Variants in LRRC4C observed in about 807,000 individuals in gnomAD.
LRRC4C encodes the protein leucine-rich repeat-containing protein 4C.
LRRC4C carries 5 observed loss-of-function variants against 33.6 expected under a neutral mutation model. The ratio of observed to expected loss-of-function variants is 0.15; its 90% CI spans 0.08 to 0.31. LRRC4C has a LOEUF of 0.31. Among genes scored for constraint, LRRC4C ranks in the 10% least tolerant of loss-of-function variants. The pLI is 1.00. For missense variants in LRRC4C, 560 were observed against 796.7 expected (o/e 0.70, Z 3.58); for synonymous variants, 329 against 302.0 (o/e 1.09, Z -0.93).
chr11:41,200,364 A>T (rs978734344), intron 1 of LRRC4C, among the ~76,000 whole-genome samples: 2 of 152,182 alleles, frequency 1.3e-5, no homozygotes, highest in Admixed American at 6.6e-5. Flanking sequence ...AAGGCTTTCT[A>T]CAGGTGTTCA....
intron 1 of LRRC4C, among the ~76,000 whole-genome samples, chr11:41,439,628 T>G (rs988581304): frequency 1.3e-5 from 2 of 152,220 alleles, no homozygotes; most frequent in Non-Finnish European, 2.9e-5. Flanking sequence ...CAATAACTAA[T>G]TTGCATTGAT....
chr11:41,015,503 A>G (rs1423556177), intron 1 of LRRC4C, among the ~76,000 whole-genome samples: 1 of 151,968 alleles, frequency 6.6e-6, no homozygotes, highest in East Asian at 1.9e-4. Context: ...TAGGAGACAC[A>G]GGGTTTCACC....
intron 4 of LRRC4C, among the ~76,000 whole-genome samples, chr11:40,292,016 C>T (rs1944231824): frequency 6.6e-6 from 1 of 151,210 alleles, no homozygotes; most frequent in Non-Finnish European, 1.5e-5. Flanking sequence ...ACTGGCTTAT[C>T]AGAGAGCAGA....
At chr11:41,138,250 A>G (rs2135888530) in intron 1 of LRRC4C, among the ~76,000 whole-genome samples, 1 of 152,368 alleles carries the variant, frequency 6.6e-6, no homozygotes, top group Middle Eastern at 3.4e-3. Context: ...TGACCAGTCA[A>G]GTTTCAGTGT....
intron 2 of LRRC4C, among the ~76,000 whole-genome samples, chr11:40,884,925 A>C (rs763452226): frequency 6.6e-6 from 1 of 152,062 alleles, no homozygotes; most frequent in Non-Finnish European, 1.5e-5. Flanking sequence ...GTGGGAGCTA[A>C]ACAATGTGTA....
intron 1 of LRRC4C, among the ~76,000 whole-genome samples, chr11:41,041,460 C>T (rs906019640): frequency 1.3e-5 from 2 of 152,046 alleles, no homozygotes; most frequent in Non-Finnish European, 1.5e-5. Flanking sequence ...AGTACTGTTC[C>T]GGTCTTAAAG....
chr11:40,459,025 C>T (rs1565409572), intron 3 of LRRC4C, among the ~76,000 whole-genome samples: 1 of 152,126 alleles, frequency 6.6e-6, no homozygotes, highest in Non-Finnish European at 1.5e-5. Context: ...ATAAAATGCA[C>T]ACACATACAT....
At chr11:40,284,488 CAT>C (rs1053507786) in intron 4 of LRRC4C, among the ~76,000 whole-genome samples, 6 of 151,944 alleles carry the variant, frequency 3.9e-5, no homozygotes, top group African/African-American at 1.5e-4. Context: ...ATTCTAAAAA[CAT>C]ATTTCAAGAA....
chr11:40,129,137 A>C (rs1856471432), intron 6 of LRRC4C, among the ~76,000 whole-genome samples: 1 of 152,134 alleles, frequency 6.6e-6, no homozygotes, highest in Non-Finnish European at 1.5e-5. Flanking sequence ...AGCAGGTTGA[A>C]AACTCATTAA....
intron 3 of LRRC4C, among the ~76,000 whole-genome samples, chr11:40,387,119 T>G (rs1279093325): frequency 3.3e-5 from 5 of 152,274 alleles, no homozygotes; most frequent in East Asian, 3.9e-4. Flanking sequence ...GTTGGAGAAA[T>G]TATATAGAAT....
intron 1 of LRRC4C, among the ~76,000 whole-genome samples, chr11:41,389,770 T>A (rs1430510631): frequency 1.3e-5 from 2 of 151,214 alleles, no homozygotes; most frequent in African/African-American, 2.4e-5. Flanking sequence ...GGCAAACACA[T>A]AACCAAGGCT....
chr11:41,249,289 C>T (rs1207188141), intron 1 of LRRC4C, among the ~76,000 whole-genome samples: 2 of 152,128 alleles, frequency 1.3e-5, no homozygotes, highest in Admixed American at 6.5e-5. Flanking sequence ...CCTCCTCGGC[C>T]TCCCAAAGTG....
intron 2 of LRRC4C, among the ~76,000 whole-genome samples, chr11:40,774,534 T>A (rs1949899830): frequency 6.6e-6 from 1 of 152,104 alleles, no homozygotes; most frequent in Non-Finnish European, 1.5e-5. Context: ...TACTTTCTAA[T>A]CATGACATTA....
chr11:40,638,407 T>G (rs1328547668), intron 3 of LRRC4C, among the ~76,000 whole-genome samples: 1 of 152,222 alleles, frequency 6.6e-6, no homozygotes, highest in Non-Finnish European at 1.5e-5. Context: ...GTTCCATTTC[T>G]TCCTCTGTAA....
intron 1 of LRRC4C, among the ~76,000 whole-genome samples, chr11:41,018,691 T>C (rs2137636628): frequency 6.6e-6 from 1 of 152,278 alleles, no homozygotes; most frequent in South Asian, 2.1e-4. Flanking sequence ...TCTTCACCTC[T>C]CTTGCTACCA....
chr11:40,418,720 T>C (rs1950416389), intron 3 of LRRC4C, among the ~76,000 whole-genome samples: 1 of 152,106 alleles, frequency 6.6e-6, no homozygotes, highest in African/African-American at 2.4e-5. Context: ...CAAATGCCCA[T>C]CAATGATAGA....
At chr11:41,178,454 A>G (rs562423355) in intron 1 of LRRC4C, among the ~76,000 whole-genome samples, 1 of 152,276 alleles carries the variant, frequency 6.6e-6, no homozygotes, top group African/African-American at 2.4e-5. Flanking sequence ...CCTAGGCTCA[A>G]GCAATTCTCA....
intron 3 of LRRC4C, among the ~76,000 whole-genome samples, chr11:40,489,239 A>G (rs1235096067): frequency 6.6e-6 from 1 of 152,106 alleles, no homozygotes; most frequent in Non-Finnish European, 1.5e-5. Context: ...ACTTATTTTA[A>G]AGTCCATTCT....
At chr11:40,327,752 A>G (rs913468719) in intron 3 of LRRC4C, among the ~76,000 whole-genome samples, 3 of 152,052 alleles carry the variant, frequency 2.0e-5, no homozygotes, top group African/African-American at 7.2e-5. Flanking sequence ...TTAAACTCCA[A>G]CAAAAATATC....
Sources: gnomAD v4.1 joint callset for allele counts (sites outside exome capture counted in the v4.1 genomes callset) on GRCh38, gnomAD v4.1.1 for gene constraint, MANE v1.5 for transcripts, NCBI Gene and HGNC (gene_info 2026-07-23, HGNC 2026-07-21) for gene names.